Variants in KCNA3 observed in about 807,000 individuals in gnomAD.
KCNA3 encodes RP11-284N8.3.
Under a neutral mutation model 34.3 loss-of-function variants are expected in KCNA3, and 18 were observed. That is an observed-to-expected ratio of 0.52 (90% CI 0.36 to 0.78). KCNA3 has a LOEUF of 0.78. Ranked by LOEUF, KCNA3 falls within the 30% of genes least tolerant of loss-of-function variation. KCNA3 has a pLI of 0.00. For missense variants in KCNA3, 587 were observed against 802.5 expected (o/e 0.73, Z 3.24); for synonymous variants, 324 against 351.7 (o/e 0.92, Z 0.88).
At position 110,674,412 on chromosome 1, in the gene KCNA3, G is replaced by C. The variant is rs1232510967; in HGVS notation, c.398C>G (p.Pro133Arg). 5 of 1,614,026 alleles carry C rather than the reference G, an allele frequency of 3.1e-6. No individual in the cohort carries two copies. Among genetic ancestry groups the C allele is most frequent in the Non-Finnish European group, 4.2e-6 (5 of 1,180,026 alleles). ...GTCGAAGTACCTCATGCGCCGCTTG[G>C]GGTCGCCCAGCAGCGTCTCGGGGAA... is the stretch of plus-strand genomic sequence containing the variant. ...CQFPETLLGD[P>R]KRRMRYFDPL... The change falls in exon 1 of 1, where the codon CCC becomes CGC. Residue 133 changes from proline to arginine, a missense_variant. Around this residue, in one of 7 missense-constraint regions of KCNA3, gnomAD observed 341 missense variants for 355.4 expected, o/e 0.96. Transcript: ENST00000369769. The surrounding 1 kb of genome is among the most constrained non-coding windows in gnomAD (Gnocchi z 6.4).
the KCNA3 span, among the ~76,000 whole-genome samples, chr1:110,666,473 A>C: frequency 6.6e-6 from 1 of 152,190 alleles, no homozygotes; most frequent in Non-Finnish European, 1.5e-5. Context: ...GAAGGGAGAA[A>C]TATAAGCAAA....
chr1:110,655,783 C>A, the KCNA3 span: 1 of 152,192 alleles, frequency 6.6e-6, no homozygotes, highest in Middle Eastern at 3.4e-3. Context: ...TTCAATTTCC[C>A]AAGCATCCAA....
At chr1:110,671,918 C>T (rs1651903538), downstream of KCNA3, among the ~76,000 whole-genome samples, 1 of 152,096 alleles carries the variant, frequency 6.6e-6, no homozygotes, top group Non-Finnish European at 1.5e-5. Context: ...TTCCAAACAC[C>T]ATATTTTCCT....
At chr1:110,663,602 G>A in the KCNA3 span, among the ~76,000 whole-genome samples, 1 of 152,170 alleles carries the variant, frequency 6.6e-6, no homozygotes, top group African/African-American at 2.4e-5. Context: ...CTACTGCAGA[G>A]GAAAGTGCCT....
At chr1:110,670,997 A>G (rs1213145937), downstream of KCNA3, among the ~76,000 whole-genome samples, 5 of 152,250 alleles carry the variant, frequency 3.3e-5, no homozygotes, top group Non-Finnish European at 7.3e-5. Context: ...AATTTATATA[A>G]TGTATATGAA....
chr1:110,664,953 C>T, the KCNA3 span, among the ~76,000 whole-genome samples: 1 of 152,090 alleles, frequency 6.6e-6, no homozygotes, highest in Admixed American at 6.5e-5. Flanking sequence ...ACAAAGACCC[C>T]AAGGTGGAGC....
Position 110,673,333 on chromosome 1 carries a change from C to A in KCNA3, c.1477G>T (p.Gly493Trp). ...FNYFYHRETE[G>W]EEQSQYMHVG... Reference sequence around the variant, plus strand: ...TGCATGTACTGGGATTGCTCTTCCCCTTCTGTCTCCCGGTGGTAGAAGTAA... The same window carrying A: ...TGCATGTACTGGGATTGCTCTTCCCATTCTGTCTCCCGGTGGTAGAAGTAA... The change falls in exon 1 of 1, where the codon GGG (glycine) becomes TGG (tryptophan). Residue 493 changes from glycine to tryptophan, a missense_variant. Physicochemically the swap from Gly to Trp is radical, Grantham distance 184. Transcript: ENST00000369769. The surrounding 1 kb of genome is among the most constrained non-coding windows in gnomAD (Gnocchi z 8.8). 6.2e-7 allele frequency: 1 copy of A among 1,614,112 alleles called. No homozygotes were observed.
the KCNA3 span, among the ~76,000 whole-genome samples, chr1:110,660,066 T>TA: frequency 6.6e-6 from 1 of 152,132 alleles, no homozygotes; most frequent in African/African-American, 2.4e-5. Context: ...ACATGTAACC[T>TA]AGAAGTTAAA....
In KCNA3 at chr1:110,673,565, C is replaced by G. The variant is rs199589802; in HGVS notation, c.1245G>C (p.Ala415=). Residue 415 remains alanine, a synonymous_variant, in exon 1 of 1, where the codon GCG becomes GCC. Transcript: ENST00000369769. This position sits in a 1 kb window ranked among gnomAD's most constrained non-coding sequence, Gnocchi z 8.8. ...GGTCGTCTGCCTCGGCAAAGTAGAC[C>G]GCGCTGGAGAAAAGGATGACCCCAA... ...LFIGVILFSS[A]VYFAEADDPT... is the part of the protein sequence containing the mutation. The G allele has an allele frequency of 6.2e-7, 1 of 1,614,156 alleles. No homozygotes were observed. The highest frequency in any genetic ancestry group is 8.5e-7 in the Non-Finnish European group (1 of 1,180,034).
In KCNA3 at chr1:110,674,200, G is replaced by T; in HGVS notation, c.610C>A (p.Leu204Met). Reference protein sequence around the residue: ...MEKFREDEGFLREEERPLPRR... With the variant: ...MEKFREDEGFMREEERPLPRR... ...GGCAAGGGCCGCTCCTCCTCCCGCA[G>T]GAAGCCCTCGTCCTCGCGGAACTTC... is the stretch of plus-strand genomic sequence containing the variant. Residue 204 changes from leucine to methionine, a missense_variant, in exon 1 of 1, where the codon CTG becomes ATG. Coordinates refer to ENST00000369769, the MANE Select transcript of KCNA3 (RefSeq NM_002232.5). This position sits in a 1 kb window ranked among gnomAD's most constrained non-coding sequence, Gnocchi z 6.4. 6.2e-7 allele frequency: 1 copy of T among 1,613,098 alleles called. No individual in the cohort carries two copies.
At chr1:110,671,743 TC>T, downstream of KCNA3, among the ~76,000 whole-genome samples, 1 of 152,316 alleles carries the variant, frequency 6.6e-6, no homozygotes, top group East Asian at 1.9e-4. Flanking sequence ...TGATCGAATC[TC>T]TCATTTGCTT....
chr1:110,657,258 G>A, the KCNA3 span, among the ~76,000 whole-genome samples: 7 of 152,056 alleles, frequency 4.6e-5, no homozygotes, highest in Non-Finnish European at 7.4e-5. Context: ...TGTTGGCCAG[G>A]CTGGTCTCGA....
the KCNA3 span, among the ~76,000 whole-genome samples, chr1:110,659,252 T>C: frequency 6.6e-6 from 1 of 151,896 alleles, no homozygotes; most frequent in East Asian, 1.9e-4. Context: ...GCAGCACTGA[T>C]TATAGTTTTT....
chr1:110,674,351 C>A lies in KCNA3; in HGVS notation c.459G>T (p.Arg153=), dbSNP rs766274310. ...AGTAGAGGATGGCGTCGAAGCTGGG[C>A]CGGTTGCGGTCGAAGAAGTACTCGT... The part of the protein sequence containing the change: ...LRNEYFFDRN[R]PSFDAILYYY... The change falls in exon 1 of 1, where the codon CGG becomes CGT. Residue 153 remains arginine (R), a synonymous_variant. Coordinates refer to ENST00000369769, the MANE Select transcript of KCNA3 (RefSeq NM_002232.5). The surrounding 1 kb of genome is among the most constrained non-coding windows in gnomAD (Gnocchi z 6.4). The A allele has an allele frequency of 1.2e-5, 20 of 1,614,042 alleles. No individual in the cohort carries two copies. Among genetic ancestry groups the A allele is most frequent in the Non-Finnish European group, 1.7e-5 (20 of 1,180,020 alleles).
Position 110,674,636 on chromosome 1 carries a change from C to A in KCNA3, c.174G>T (p.Gly58=). The change falls in exon 1 of 1, where the codon GGG becomes GGT. Residue 58 remains glycine (G), a synonymous_variant. Transcript: ENST00000369769. This position sits in a 1 kb window ranked among gnomAD's most constrained non-coding sequence, Gnocchi z 6.4. The part of the protein sequence containing the change: ...ELPPDMTVVP[G]DHLLEPEVAD... ...CCACCTCCGGCTCCAGCAGGTGGTC[C>A]CCGGGCACCACGGTCATGTCGGGCG... The A allele has an allele frequency of 3.2e-6, 5 of 1,548,452 alleles. No homozygotes were observed. Among genetic ancestry groups the A allele is most frequent in the Non-Finnish European group, 4.3e-6 (5 of 1,158,028 alleles).
the KCNA3 span, chr1:110,656,349 GATCA>G: frequency 6.6e-6 from 1 of 151,758 alleles, no homozygotes; most frequent in Non-Finnish European, 1.5e-5. Context: ...GTCTTGCTGA[GATCA>G]ATTATTAGTA....
At position 110,673,206 on chromosome 1, in the gene KCNA3, C is replaced by G. The variant is rs758865322; in HGVS notation, c.1604G>C (p.Gly535Ala). ...GGGGAAAGCGCTATGGTTCATACCC[C>G]CCTCTTCGATCACCATATACTCCGA... is the stretch of plus-strand genomic sequence containing the variant. ...SKSEYMVIEE[G>A]GMNHSAFPQT... The change falls in exon 1 of 1, where the codon GGG becomes GCG. Residue 535 changes from glycine (G) to alanine (A), a missense_variant. Physicochemically the swap from Gly to Ala is moderately conservative, Grantham distance 60. Coordinates refer to ENST00000369769, the MANE Select transcript of KCNA3 (RefSeq NM_002232.5). The surrounding 1 kb of genome is among the most constrained non-coding windows in gnomAD (Gnocchi z 8.8). 29 of 1,613,982 alleles carry G rather than the reference C, an allele frequency of 1.8e-5. No individual in the cohort carries two copies. Among genetic ancestry groups the G allele is most frequent in the Middle Eastern group, 3.3e-4 (2 of 6,082 alleles).
chr1:110,660,084 T>C, the KCNA3 span, among the ~76,000 whole-genome samples: 1 of 152,170 alleles, frequency 6.6e-6, no homozygotes, highest in Non-Finnish European at 1.5e-5. Flanking sequence ...AAAGTATAAT[T>C]TTTTAAAAAA....
At position 110,672,903 on chromosome 1, in the gene KCNA3, C is replaced by G; in HGVS notation, c.*179G>C. ...GAGCTGAGAGAATGCAGCCCACTTG[C>G]AAAACAGGCACCTGTTTCAGTATGA... On this transcript the variant is annotated 3_prime_UTR_variant, in exon 1 of 1. Coordinates refer to ENST00000369769, the MANE Select transcript of KCNA3 (RefSeq NM_002232.5). 1 of 625,090 alleles carries G rather than the reference C, an allele frequency of 1.6e-6. No homozygotes were observed. The highest frequency in any genetic ancestry group is 2.7e-6 in the Non-Finnish European group (1 of 366,314). The allele number at this position is 625,090 out of a possible 1,614,324, so 38.7% of individuals were successfully genotyped here. A position where few individuals can be genotyped will look rare whatever the true frequency, so the allele number is the denominator to read the frequency against.
Sources: allele counts gnomAD v4.1 joint callset (sites outside exome capture counted in the v4.1 genomes callset), GRCh38; gene constraint gnomAD v4.1.1; regional missense constraint gnomAD v4.1.1; non-coding constraint Gnocchi (gnomAD v3.1); transcripts MANE v1.5; gene names NCBI Gene and HGNC (gene_info 2026-07-23, HGNC 2026-07-21).